ADGRF5: variants seen among roughly 807,000 people sequenced by gnomAD.
ADGRF5 encodes adhesion G protein-coupled receptor F5, also known as G-protein coupled receptor 116.
In ADGRF5, 75 loss-of-function variants were observed where a neutral mutation model predicts 132.3. The ratio of observed to expected loss-of-function variants is 0.57; its 90% CI spans 0.47 to 0.69. ADGRF5 has a LOEUF of 0.69. ADGRF5 is among the 30% of genes least tolerant of loss of function. ADGRF5 has a pLI of 0.00. For synonymous variants in ADGRF5, 629 were observed against 597.6 expected (o/e 1.05, Z -0.77); for missense variants, 1,516 against 1,630.6 (o/e 0.93, Z 1.21).
chr6:46,888,077 G>T (rs1773238235), intron 4 of ADGRF5: 1 of 318,960 alleles, frequency 3.1e-6, no homozygotes, highest in Non-Finnish European at 5.5e-6. Context: ...CCATATCTTG[G>T]GATCACTTTA....
rs182228827 is a variant in ADGRF5, at chr6:46,883,776, C to T, written c.506-111G>A. 17 of 646,286 alleles carry T rather than the reference C, an allele frequency of 2.6e-5. No homozygotes were observed. In the Admixed American group the frequency reaches 5.4e-4, roughly 21 times the overall value. The allele number at this position is 646,286 out of a possible 1,614,324, so 40.0% of individuals were successfully genotyped here. On this transcript the variant is annotated intron_variant, in intron 5 of 20. Transcript: ENST00000283296. Reference sequence around the variant, plus strand: ...TGTTTGTTTCAGATGGAGTCTCCCTCTGTCTCCCAGGCTGGAGTGCAACGG... The same window carrying T: ...TGTTTGTTTCAGATGGAGTCTCCCTTTGTCTCCCAGGCTGGAGTGCAACGG...
chr6:46,899,673 T>C (rs1029242697), intron 3 of ADGRF5, among the ~76,000 whole-genome samples: 4 of 151,262 alleles, frequency 2.6e-5, no homozygotes, highest in African/African-American at 4.9e-5. Context: ...TTTTTGTTTG[T>C]TTTGTTTTTT....
At chr6:46,947,101 G>A (rs796696856) in intron 1 of ADGRF5, among the ~76,000 whole-genome samples, 16 of 152,266 alleles carry the variant, frequency 1.1e-4, no homozygotes, top group African/African-American at 3.6e-4. Context: ...GTTTCTCTTA[G>A]TACCTAGTAG....
At chr6:46,870,772 G>A in intron 11 of ADGRF5, 1 of 411,962 alleles carries the variant, frequency 2.4e-6, no homozygotes, top group Non-Finnish European at 4.9e-6. Context: ...CCAGTTTTGT[G>A]GATAGAGGTA....
intron 1 of ADGRF5, among the ~76,000 whole-genome samples, 199 bp downstream of exon 1, chr6:46,921,514 C>T (rs1776944141): frequency 6.6e-6 from 1 of 152,158 alleles, no homozygotes; most frequent in South Asian, 2.1e-4. Context: ...GTCTCATTAA[C>T]TGGACCAACA....
chr6:46,869,716 G>A (rs1357105329), intron 11 of ADGRF5, among the ~76,000 whole-genome samples: 1 of 152,068 alleles, frequency 6.6e-6, no homozygotes, highest in Non-Finnish European at 1.5e-5. Context: ...AGCCTGTATT[G>A]CCCAAATATG....
At chr6:46,940,915 T>G (rs1180501132) in intron 1 of ADGRF5, among the ~76,000 whole-genome samples, 2 of 152,204 alleles carry the variant, frequency 1.3e-5, no homozygotes, top group East Asian at 3.9e-4. Context: ...TTTTCAAATT[T>G]TAGTGCAGCC....
At chr6:46,871,384 G>C (rs1194652094) in intron 11 of ADGRF5, among the ~76,000 whole-genome samples, 2 of 152,170 alleles carry the variant, frequency 1.3e-5, no homozygotes, top group Non-Finnish European at 2.9e-5. Context: ...CTCTGGAACA[G>C]GTGAAATGGG....
intron 3 of ADGRF5, among the ~76,000 whole-genome samples, chr6:46,893,633 G>A (rs1025966510): frequency 2.0e-5 from 3 of 152,172 alleles, no homozygotes; most frequent in African/African-American, 7.2e-5. Flanking sequence ...CAACTTCTGT[G>A]TGTGTGTTTT....
At chr6:46,910,604 T>C (rs1462999203) in intron 1 of ADGRF5, among the ~76,000 whole-genome samples, 1 of 152,086 alleles carries the variant, frequency 6.6e-6, no homozygotes, top group Non-Finnish European at 1.5e-5. Context: ...ACACAGCTGA[T>C]AGACGGTAGT....
intron 1 of ADGRF5, among the ~76,000 whole-genome samples, chr6:46,918,052 T>C (rs1358109049): frequency 6.6e-6 from 1 of 152,272 alleles, no homozygotes; most frequent in African/African-American, 2.4e-5. Flanking sequence ...TAGGTGATTC[T>C]ACTAGGCTGT....
chr6:46,863,410 A>G, intron 14 of ADGRF5: 1 of 446,786 alleles, frequency 2.2e-6, no homozygotes, highest in South Asian at 1.7e-5. Context: ...TGTCTGGGCT[A>G]AGTAAATCGG....
intron 1 of ADGRF5, among the ~76,000 whole-genome samples, chr6:46,941,868 G>T (rs1021721843): frequency 6.6e-6 from 1 of 152,136 alleles, no homozygotes; most frequent in African/African-American, 2.4e-5. Flanking sequence ...AGCCAGCTTC[G>T]CCTCTTCCTA....
chr6:46,921,152 A>G (rs1402612386), intron 1 of ADGRF5, among the ~76,000 whole-genome samples: 1 of 152,082 alleles, frequency 6.6e-6, no homozygotes, highest in Non-Finnish European at 1.5e-5. Flanking sequence ...GCTGACTACA[A>G]ACTCCTTTCC....
At chr6:46,877,697 G>A (rs1259500229) in intron 10 of ADGRF5, among the ~76,000 whole-genome samples, 1 of 152,030 alleles carries the variant, frequency 6.6e-6, no homozygotes, top group African/African-American at 2.4e-5. Flanking sequence ...AGACAAACAG[G>A]TCTGCAGAGA....
rs771784216 is a variant in ADGRF5, at chr6:46,858,287, G to T, written c.3616C>A (p.Pro1206Thr). The T allele has an allele frequency of 1.9e-6, 3 of 1,613,980 alleles. No homozygotes were observed. The South Asian group carries it at 3.3e-5, about 18-fold the overall frequency. The change falls in exon 17 of 21, where the codon CCA (proline) becomes ACA (threonine). Residue 1206 changes from proline to threonine, a missense_variant. Pro to Thr is a conservative substitution (Grantham distance 38). This residue lies in a region of ADGRF5 where 571 missense variants were observed against 701.2 expected (regional missense o/e 0.81). Transcript: ENST00000283296. ...AGGCTGCTCTTCTCCTGCTTGCATGGCTTGTCTCCAATGGAAGGCCTCAGG... is the reference window on the plus strand; with the variant it reads ...AGGCTGCTCTTCTCCTGCTTGCATGTCTTGTCTCCAATGGAAGGCCTCAGG... ...KILRPSIGDK[P>T]CKQEKSSLFQ... is the part of the protein sequence containing the mutation.
chr6:46,854,008 G>T lies in ADGRF5; in HGVS notation c.4025C>A (p.Ser1342Tyr), dbSNP rs769508037. The T allele has an allele frequency of 3.4e-5, 54 of 1,604,756 alleles. No homozygotes were observed. The African/African-American group carries it at 6.7e-4, about 20-fold the overall frequency. Residue 1342 changes from serine to tyrosine, a missense_variant, in exon 21 of 21, where the codon TCT (serine) becomes TAT (tyrosine). Transcript: ENST00000283296. ...SSSLENSSSA[S>Y]SLLN The stretch of plus-strand genomic sequence containing the variant: ...ATCCTGTTCTTAGTTGAGCAACGAA[G>T]AAGCACTGGATGAGTTTTCCAGGGA...
At chr6:46,928,772 C>A (rs980006352) in intron 1 of ADGRF5, among the ~76,000 whole-genome samples, 5 of 152,114 alleles carry the variant, frequency 3.3e-5, no homozygotes, top group Admixed American at 1.3e-4. Flanking sequence ...CAGAGAAATG[C>A]AAATCAAAAC....
At chr6:46,877,304 TCTTTCC>T (rs1238127244) in intron 10 of ADGRF5, among the ~76,000 whole-genome samples, 2 of 48,960 alleles carry the variant, frequency 4.1e-5, no homozygotes, top group South Asian at 6.0e-4. Context: ...TCTCTCTCTC[TCTTTCC>T]TTCCTTCCTT....
Sources: gnomAD v4.1 joint callset for allele counts (sites outside exome capture counted in the v4.1 genomes callset) on GRCh38, gnomAD v4.1.1 for gene constraint, gnomAD v4.1.1 regional missense constraint, MANE v1.5 for transcripts, NCBI Gene and HGNC (gene_info 2026-07-23, HGNC 2026-07-21) for gene names.